The following CDH12 variants were observed in gnomAD, a reference collection of about 807,000 sequenced individuals.
The protein encoded by CDH12 is cadherin 12, also known as cadherin-12.
In CDH12, 41 loss-of-function variants were observed where a neutral mutation model predicts 74.1. The ratio of observed to expected loss-of-function variants is 0.55; its 90% CI spans 0.43 to 0.72. CDH12 has a LOEUF of 0.72. Ranked by LOEUF, CDH12 falls within the 30% of genes least tolerant of loss-of-function variation. CDH12 has a pLI of 0.00. For missense variants in CDH12, 945 were observed against 977.2 expected (o/e 0.97, Z 0.44); for synonymous variants, 399 against 355.0 (o/e 1.12, Z -1.39).
intron 5 of CDH12, among the ~76,000 whole-genome samples, chr5:22,069,583 G>A (rs952705820): frequency 1.3e-5 from 2 of 152,144 alleles, no homozygotes; most frequent in Admixed American, 6.6e-5. Flanking sequence ...AAGGAGGCAT[G>A]TTTCCACCAG....
At chr5:21,849,469 A>G (rs1302560147) in intron 7 of CDH12, among the ~76,000 whole-genome samples, 1 of 151,778 alleles carries the variant, frequency 6.6e-6, no homozygotes. Flanking sequence ...ATAGGTAATA[A>G]TATGTGCTGT....
chr5:22,735,439 A>C (rs1744639419), intron 1 of CDH12, among the ~76,000 whole-genome samples: 1 of 151,914 alleles, frequency 6.6e-6, no homozygotes, highest in Admixed American at 6.6e-5. Context: ...ATAAAATATA[A>C]ATTTATAGGG....
At chr5:21,880,616 C>CTTCTTTCTCTCTTTCTTTCTTTCT (rs1752257861) in intron 6 of CDH12, among the ~76,000 whole-genome samples, 5 of 50,810 alleles carry the variant, frequency 9.8e-5, no homozygotes, top group African/African-American at 4.4e-4. Context: ...TCCTTCCTTC[C>CTTCTTTCTCTCTTTCTTTCTTTCT]TTCTTTCTTT....
chr5:21,881,541 T>A (rs938544308), intron 6 of CDH12, among the ~76,000 whole-genome samples: 7 of 152,202 alleles, frequency 4.6e-5, no homozygotes, highest in African/African-American at 1.7e-4. Flanking sequence ...ATAAAATAAC[T>A]AAGCTGTTTT....
intron 6 of CDH12, chr5:21,884,434 A>G (rs1423601382): frequency 1.4e-5 from 12 of 842,846 alleles, no homozygotes; most frequent in Non-Finnish European, 2.3e-5. Context: ...GCTGAAAATC[A>G]CTATAACCAT....
chr5:22,710,881 T>A, intron 1 of CDH12, among the ~76,000 whole-genome samples: 1 of 152,114 alleles, frequency 6.6e-6, no homozygotes, highest in East Asian at 1.9e-4. Context: ...TATAGGATTC[T>A]TGTGAGGGTT....
At chr5:22,619,985 GAATGCCTTT>G (rs1279977150) in intron 1 of CDH12, among the ~76,000 whole-genome samples, 5 of 152,022 alleles carry the variant, frequency 3.3e-5, no homozygotes, top group Non-Finnish European at 7.4e-5. Context: ...TACAGATATT[GAATGCCTTT>G]AAGTAGAGAG....
intron 1 of CDH12, among the ~76,000 whole-genome samples, chr5:22,516,118 C>G (rs914552399): frequency 2.0e-5 from 3 of 152,000 alleles, no homozygotes; most frequent in Non-Finnish European, 4.4e-5. Context: ...AAACTAAGGA[C>G]ATAATGAGAT....
At chr5:22,326,248 T>TC (rs1739093484) in intron 3 of CDH12, among the ~76,000 whole-genome samples, 1 of 152,006 alleles carries the variant, frequency 6.6e-6, no homozygotes, top group African/African-American at 2.4e-5. Context: ...TTTCTTTCTT[T>TC]TTTTGAGACG....
At chr5:22,195,822 CA>C (rs1457757942) in intron 4 of CDH12, among the ~76,000 whole-genome samples, 7 of 152,172 alleles carry the variant, frequency 4.6e-5, no homozygotes, top group Non-Finnish European at 8.8e-5. Context: ...AAATTTAGCT[CA>C]ATATGAGGGA....
At chr5:22,528,532 A>G (rs1281471862) in intron 1 of CDH12, among the ~76,000 whole-genome samples, 2 of 152,114 alleles carry the variant, frequency 1.3e-5, no homozygotes, top group African/African-American at 4.8e-5. Flanking sequence ...ACCTGTGGCT[A>G]CTTTATCCTG....
intron 3 of CDH12, among the ~76,000 whole-genome samples, chr5:22,296,734 A>T (rs1737639611): frequency 6.6e-6 from 1 of 152,220 alleles, no homozygotes; most frequent in Non-Finnish European, 1.5e-5. Context: ...ATCTGCTTCA[A>T]GCGTGAAGCT....
At chr5:22,633,050 A>G (rs969619691) in intron 1 of CDH12, among the ~76,000 whole-genome samples, 5 of 152,134 alleles carry the variant, frequency 3.3e-5, no homozygotes, top group African/African-American at 1.2e-4. Context: ...AGGCAGTCTT[A>G]AAACACACTC....
At chr5:21,847,676 A>G (rs1750247915) in intron 7 of CDH12, among the ~76,000 whole-genome samples, 2 of 152,038 alleles carry the variant, frequency 1.3e-5, no homozygotes, top group African/African-American at 4.8e-5. Context: ...TCTCCACTAT[A>G]TGTGATTAGA....
Position 21,854,851 on chromosome 5 carries a change from C to G in CDH12, c.527-61G>C, listed in dbSNP as rs1385424162. The G allele has an allele frequency of 1.3e-5, 19 of 1,506,618 alleles. No individual in the cohort carries two copies. In the Admixed American group the frequency reaches 2.8e-4, roughly 22 times the overall value. The allele number at this position is 1,506,618 out of a possible 1,614,324, so 93.3% of individuals were successfully genotyped here. On this transcript the variant is annotated intron_variant, in intron 6 of 14. Transcript: ENST00000382254. The stretch of plus-strand genomic sequence containing the variant: ...TTTTACTACTTTCAAGGTCATGACT[C>G]TTATCTGCTGGACTCGATTTTCCTT...
intron 1 of CDH12, among the ~76,000 whole-genome samples, chr5:22,638,148 G>A (rs1324303954): frequency 6.6e-6 from 1 of 152,150 alleles, no homozygotes; most frequent in Non-Finnish European, 1.5e-5. Context: ...TCTCTAGAGG[G>A]ACAGGAATAT....
chr5:22,038,565 C>T (rs1268059530), intron 5 of CDH12, among the ~76,000 whole-genome samples: 1 of 152,202 alleles, frequency 6.6e-6, no homozygotes, highest in Non-Finnish European at 1.5e-5. Context: ...GGGGCCTCTG[C>T]TGAAGTTTCA....
intron 2 of CDH12, among the ~76,000 whole-genome samples, chr5:22,446,381 T>G (rs1744818852): frequency 6.6e-6 from 1 of 152,134 alleles, no homozygotes; most frequent in African/African-American, 2.4e-5. Flanking sequence ...CACATGCTAG[T>G]CTTTTTGGGT....
At chr5:22,346,492 A>T (rs2150460229) in intron 3 of CDH12, among the ~76,000 whole-genome samples, 1 of 152,350 alleles carries the variant, frequency 6.6e-6, no homozygotes, top group South Asian at 2.1e-4. Flanking sequence ...ATATCACCTT[A>T]TAAATGTTAT....
Sources: allele counts gnomAD v4.1 joint callset (sites outside exome capture counted in the v4.1 genomes callset), GRCh38; gene constraint gnomAD v4.1.1; transcripts MANE v1.5; gene names NCBI Gene and HGNC (gene_info 2026-07-23, HGNC 2026-07-21).